The following UTRN variants were observed in gnomAD, a reference collection of about 807,000 sequenced individuals.
UTRN encodes the protein dystrophin-related protein 1.
A neutral mutation model predicts 463.9 loss-of-function variants in UTRN; 283 were observed. The ratio of observed to expected loss-of-function variants is 0.61; its 90% CI spans 0.55 to 0.67. UTRN has a LOEUF of 0.67. Among genes scored for constraint, UTRN ranks in the 30% least tolerant of loss-of-function variants. The probability of loss-of-function intolerance (pLI) is 0.00; values close to 1 mark genes in which losing one functional copy is unlikely to be tolerated. For missense variants in UTRN, 3,922 were observed against 4,084.3 expected (o/e 0.96, Z 1.08); for synonymous variants, 1,442 against 1,431.5 (o/e 1.01, Z -0.17).
chr6:144,662,818 G>A (rs1291925521), intron 51 of UTRN, among the ~76,000 whole-genome samples: 2 of 152,248 alleles, frequency 1.3e-5, no homozygotes, highest in Middle Eastern at 3.4e-3. Flanking sequence ...CTTTAAGACA[G>A]CAGTTTTTTT....
At chr6:144,764,299 G>A (rs1369021229) in intron 58 of UTRN, among the ~76,000 whole-genome samples, 2 of 152,160 alleles carry the variant, frequency 1.3e-5, no homozygotes, top group African/African-American at 4.8e-5. Flanking sequence ...CCGTCACTGG[G>A]AAGAAATCTT....
intron 2 of UTRN, among the ~76,000 whole-genome samples, chr6:144,361,804 C>T (rs1262814158): frequency 6.8e-6 from 1 of 147,362 alleles, no homozygotes; most frequent in Non-Finnish European, 1.5e-5. Flanking sequence ...TGGGGTCTCG[C>T]TATGTTGCCC....
intron 2 of UTRN, among the ~76,000 whole-genome samples, chr6:144,394,107 A>C (rs750897501): frequency 6.6e-6 from 1 of 152,198 alleles, no homozygotes; most frequent in Non-Finnish European, 1.5e-5. Flanking sequence ...TTGCTGGTCC[A>C]TTTTATCCAT....
intron 2 of UTRN, among the ~76,000 whole-genome samples, chr6:144,331,640 C>T (rs184777574): frequency 3.3e-5 from 5 of 152,286 alleles, no homozygotes; most frequent in South Asian, 2.1e-4. Context: ...TGCCAAGTTA[C>T]GTGATAGGCT....
intron 2 of UTRN, among the ~76,000 whole-genome samples, chr6:144,384,356 C>T (rs1339701612): frequency 3.3e-5 from 5 of 152,052 alleles, no homozygotes; most frequent in Admixed American, 6.6e-5. Flanking sequence ...CATAGGAGCA[C>T]GAACCCTATT....
chr6:144,745,104 G>T (rs902662291), intron 54 of UTRN, among the ~76,000 whole-genome samples: 1 of 152,092 alleles, frequency 6.6e-6, no homozygotes, highest in African/African-American at 2.4e-5. Flanking sequence ...TGTGAGGGTC[G>T]TTTCTAACAT....
intron 65 of UTRN, among the ~76,000 whole-genome samples, chr6:144,803,412 C>G (rs1188103332): frequency 1.3e-5 from 2 of 151,876 alleles, no homozygotes; most frequent in Admixed American, 1.3e-4. Flanking sequence ...GAAAATGATA[C>G]TATGTAACGA....
At chr6:144,447,497 A>T (rs1787814012) in intron 15 of UTRN, 105 bp from the exon 16 acceptor site, 1 of 1,399,102 alleles carries the variant, frequency 7.1e-7, no homozygotes, top group Middle Eastern at 1.8e-4. Context: ...ACTGCAAAGC[A>T]TGTACATTTT....
chr6:144,691,300 A>G lies in UTRN; in HGVS notation c.7653-8787A>G, dbSNP rs370945982. Reference sequence around the variant, plus strand: ...CCCAGCTAATTTTTGTATTTTTAGTAGAGACAAGGTTTCGCCATATTGGCT... The same window carrying G: ...CCCAGCTAATTTTTGTATTTTTAGTGGAGACAAGGTTTCGCCATATTGGCT... On this transcript the variant is annotated intron_variant, in intron 52 of 74. Coordinates refer to ENST00000367545, the MANE Select transcript of UTRN (RefSeq NM_007124.3). Among the ~76,000 whole-genome samples the G allele has an allele frequency of 5.9e-5, 9 of 152,268 alleles. No homozygotes were observed. The East Asian group carries it at 1.2e-3, about 20-fold the overall frequency.
chr6:144,760,849 GGTGTTTAA>G, intron 58 of UTRN, among the ~76,000 whole-genome samples: 1 of 152,088 alleles, frequency 6.6e-6, no homozygotes, highest in Non-Finnish European at 1.5e-5. Context: ...CAACGTTTTT[GGTGTTTAA>G]GTATATCATC....
chr6:144,339,708 C>G (rs1237133331), intron 2 of UTRN, among the ~76,000 whole-genome samples: 1 of 152,086 alleles, frequency 6.6e-6, no homozygotes, highest in Non-Finnish European at 1.5e-5. Flanking sequence ...GTCTAGTTTT[C>G]TAGGAGAATT....
chr6:144,287,793 G>A (rs532901674), intron 1 of UTRN, among the ~76,000 whole-genome samples: 1 of 152,326 alleles, frequency 6.6e-6, no homozygotes, highest in Admixed American at 6.5e-5. Flanking sequence ...ATTGGTTTCA[G>A]TAAGAACATC....
intron 51 of UTRN, among the ~76,000 whole-genome samples, chr6:144,611,241 C>A (rs1161734080): frequency 1.3e-5 from 2 of 152,312 alleles, no homozygotes; most frequent in Admixed American, 1.3e-4. Flanking sequence ...GATGTATAGA[C>A]AAACATTTAG....
intron 54 of UTRN, among the ~76,000 whole-genome samples, chr6:144,738,941 G>A (rs780593148): frequency 6.6e-6 from 1 of 152,116 alleles, no homozygotes; most frequent in African/African-American, 2.4e-5. Context: ...TGCATGTATA[G>A]TTGAGTATAG....
chr6:144,663,901 A>G (rs1780129703), intron 51 of UTRN, among the ~76,000 whole-genome samples: 1 of 152,234 alleles, frequency 6.6e-6, no homozygotes, highest in East Asian at 1.9e-4. Context: ...TATAGTAAAC[A>G]CATTTCAAAG....
intron 3 of UTRN, among the ~76,000 whole-genome samples, 191 bp from the exon 4 acceptor site, chr6:144,421,687 T>A: frequency 6.8e-6 from 1 of 147,346 alleles, no homozygotes; most frequent in Non-Finnish European, 1.5e-5. Flanking sequence ...AGACTCTGTC[T>A]AAAAAAAAAA....
intron 24 of UTRN, among the ~76,000 whole-genome samples, chr6:144,474,089 G>A (rs540530250): frequency 1.3e-5 from 2 of 151,594 alleles, no homozygotes; most frequent in South Asian, 4.2e-4. Flanking sequence ...TTCATTAGGA[G>A]TCATTGTATA....
chr6:144,559,851 T>C (rs553931020), intron 50 of UTRN, among the ~76,000 whole-genome samples: 1 of 152,274 alleles, frequency 6.6e-6, no homozygotes, highest in African/African-American at 2.4e-5. Flanking sequence ...TAATCTAATA[T>C]TCTCAGGCTC....
intron 51 of UTRN, among the ~76,000 whole-genome samples, chr6:144,584,057 G>T (rs569119772): frequency 6.6e-6 from 1 of 152,136 alleles, no homozygotes; most frequent in South Asian, 2.1e-4. Context: ...ACAATTAAAA[G>T]ACATTTTAAA....
Sources: allele counts gnomAD v4.1 joint callset (sites outside exome capture counted in the v4.1 genomes callset), GRCh38; gene constraint gnomAD v4.1.1; transcripts MANE v1.5; gene names NCBI Gene and HGNC (gene_info 2026-07-23, HGNC 2026-07-21).